The following KCNB2 variants were observed in gnomAD, a reference collection of about 807,000 sequenced individuals.
The protein encoded by KCNB2 is potassium voltage-gated channel subfamily B member 2, also known as delayed rectifier potassium channel protein.
In KCNB2, 15 loss-of-function variants were observed where a neutral mutation model predicts 61.5. The observed-to-expected ratio is 0.24, with a 90% CI of 0.16 to 0.38. KCNB2 has a LOEUF of 0.38. Among genes scored for constraint, KCNB2 ranks in the 10% least tolerant of loss-of-function variants. The probability of loss-of-function intolerance (pLI) is 1.00; values close to 1 mark genes in which losing one functional copy is unlikely to be tolerated. For synonymous variants in KCNB2, 457 were observed against 446.0 expected (o/e 1.02, Z -0.31); for missense variants, 828 against 1,125.2 (o/e 0.74, Z 3.78).
chr8:72,826,707 T>A (rs1563396653), intron 2 of KCNB2, among the ~76,000 whole-genome samples: 1 of 152,226 alleles, frequency 6.6e-6, no homozygotes, highest in Non-Finnish European at 1.5e-5. Context: ...CCTTAGAGTC[T>A]TCCCTATTGG....
At chr8:72,843,882 CTT>C (rs1229618083) in intron 2 of KCNB2, among the ~76,000 whole-genome samples, 2 of 152,132 alleles carry the variant, frequency 1.3e-5, no homozygotes, top group Non-Finnish European at 2.9e-5. Context: ...GGTCTTGACT[CTT>C]TATCCAATTT....
At position 72,935,947 on chromosome 8, in the gene KCNB2, G is replaced by A. The variant is rs971570323; in HGVS notation, c.592G>A (p.Val198Met). Residue 198 changes from valine (V) to methionine (M), a missense_variant, in exon 3 of 3, where the codon GTG becomes ATG. Coordinates refer to ENST00000523207, the MANE Select transcript of KCNB2 (RefSeq NM_004770.3). Reference sequence around the variant, plus strand: ...TTCTCTTTTCCAGATCCTGGCCATCGTGTCTATCCTGTTCATTGTGCTTTC... The same window carrying A: ...TTCTCTTTTCCAGATCCTGGCCATCATGTCTATCCTGTTCATTGTGCTTTC... ...SSVAAKILAI[V>M]SILFIVLSTI... The A allele has an allele frequency of 8.7e-6, 14 of 1,612,698 alleles. No individual in the cohort carries two copies. The highest frequency in any genetic ancestry group is 4.4e-5 in the South Asian group (4 of 90,940).
chr8:72,815,898 T>TCTAC (rs1809389084), intron 2 of KCNB2, among the ~76,000 whole-genome samples: 1 of 152,004 alleles, frequency 6.6e-6, no homozygotes, highest in African/African-American at 2.4e-5. Context: ...TACATGAGGG[T>TCTAC]ATGAAGAAAT....
At chr8:72,771,116 GGTTGCAATTACTACACCAGAT>G (rs1264563892) in intron 2 of KCNB2, among the ~76,000 whole-genome samples, 1 of 152,164 alleles carries the variant, frequency 6.6e-6, no homozygotes, top group Non-Finnish European at 1.5e-5. Flanking sequence ...AATCATCTGA[GGTTGCAATTACTACACCAGAT>G]ATGGATGTAA....
chr8:72,669,214 A>G (rs1251528677), intron 2 of KCNB2, among the ~76,000 whole-genome samples: 4 of 152,158 alleles, frequency 2.6e-5, no homozygotes, highest in Admixed American at 2.0e-4. Flanking sequence ...GCATAGCTCA[A>G]GATCCATTAT....
chr8:72,766,324 AG>A (rs1808460263), intron 2 of KCNB2, among the ~76,000 whole-genome samples: 1 of 152,244 alleles, frequency 6.6e-6, no homozygotes, highest in Non-Finnish European at 1.5e-5. Context: ...CTGCTCTGAA[AG>A]GATAGCCTAT....
chr8:72,910,068 C>G (rs552740525), intron 2 of KCNB2, among the ~76,000 whole-genome samples: 1 of 152,158 alleles, frequency 6.6e-6, no homozygotes, highest in Non-Finnish European at 1.5e-5. Flanking sequence ...ACAACGTGGA[C>G]TTTCACGTCA....
intron 2 of KCNB2, among the ~76,000 whole-genome samples, chr8:72,800,375 G>C (rs1326345577): frequency 1.3e-5 from 2 of 152,212 alleles, no homozygotes; most frequent in Non-Finnish European, 2.9e-5. Context: ...AATGTTTACA[G>C]CGTTCAACAC....
At chr8:72,910,821 G>T (rs1022327186) in intron 2 of KCNB2, among the ~76,000 whole-genome samples, 1 of 152,200 alleles carries the variant, frequency 6.6e-6, no homozygotes, top group Non-Finnish European at 1.5e-5. Context: ...TGAGAACAAA[G>T]TTAAAAGAGT....
chr8:72,561,745 A>ATATATACG (rs1806528257), intron 1 of KCNB2, among the ~76,000 whole-genome samples: 1 of 30,794 alleles, frequency 3.2e-5, no homozygotes, highest in African/African-American at 1.5e-4. Flanking sequence ...CTATATATAT[A>ATATATACG]TGTATATATA....
intron 2 of KCNB2, among the ~76,000 whole-genome samples, chr8:72,677,411 G>A (rs1344250507): frequency 6.6e-6 from 1 of 152,164 alleles, no homozygotes; most frequent in African/African-American, 2.4e-5. Flanking sequence ...CCCTCTGCAT[G>A]GGAATTCCCA....
chr8:72,937,006 C>G lies in KCNB2; in HGVS notation c.1651C>G (p.Gln551Glu), dbSNP rs754416306. 3.1e-6 allele frequency: 5 copies of G among 1,614,166 alleles called. No homozygotes were observed. In the East Asian group the frequency reaches 8.9e-5, roughly 29 times the overall value. The change falls in exon 3 of 3, where the codon CAG becomes GAG. Residue 551 changes from glutamine (Q) to glutamate (E), a missense_variant. Around this residue, in one of 4 missense-constraint regions of KCNB2, gnomAD observed 559 missense variants for 588.4 expected, o/e 0.95. Coordinates refer to ENST00000523207, the MANE Select transcript of KCNB2 (RefSeq NM_004770.3). ...GCTATACAATGAAATCACCAAGACA[C>G]AGCCTCATTCTCACCCAAACCCAGA... is the stretch of plus-strand genomic sequence containing the variant. ...EMLYNEITKT[Q>E]PHSHPNPDCQ...
chr8:72,683,355 GC>G (rs1806795541), intron 2 of KCNB2, among the ~76,000 whole-genome samples: 1 of 152,110 alleles, frequency 6.6e-6, no homozygotes, highest in Non-Finnish European at 1.5e-5. Context: ...TAGGCACTGT[GC>G]CAGGCCAGTA....
At position 72,579,629 on chromosome 8, in the gene KCNB2, G is replaced by A. The variant is rs547294217; in HGVS notation, c.579+11316G>A. Among the ~76,000 whole-genome samples the A allele has an allele frequency of 2.0e-5, 3 of 152,234 alleles. No homozygotes were observed. The South Asian group carries it at 6.2e-4, about 31-fold the overall frequency. ...AGCTGGTTTTACTTTCCGCTTTCTCGTAATAGCGTCACTATCCCCAGAGCC... is the reference window on the plus strand; with the variant it reads ...AGCTGGTTTTACTTTCCGCTTTCTCATAATAGCGTCACTATCCCCAGAGCC... On this transcript the variant is annotated intron_variant, in intron 2 of 2. Coordinates refer to ENST00000523207, the MANE Select transcript of KCNB2 (RefSeq NM_004770.3).
chr8:72,687,863 A>G (rs1164463449), intron 2 of KCNB2, among the ~76,000 whole-genome samples: 1 of 152,164 alleles, frequency 6.6e-6, no homozygotes, highest in African/African-American at 2.4e-5. Flanking sequence ...GGCCTGCCCT[A>G]AGGAGCTATA....
At chr8:72,772,949 A>C (rs1251291190) in intron 2 of KCNB2, among the ~76,000 whole-genome samples, 2 of 152,184 alleles carry the variant, frequency 1.3e-5, no homozygotes, top group Admixed American at 1.3e-4. Flanking sequence ...AGGCACAAAA[A>C]TATCCCTCTT....
At chr8:72,637,154 G>T (rs1805979123) in intron 2 of KCNB2, among the ~76,000 whole-genome samples, 1 of 152,132 alleles carries the variant, frequency 6.6e-6, no homozygotes. Context: ...TTACGCCTCT[G>T]ACTCAGTTTC....
chr8:72,898,391 A>G (rs1320088515), intron 2 of KCNB2, among the ~76,000 whole-genome samples: 2 of 152,050 alleles, frequency 1.3e-5, no homozygotes, highest in Non-Finnish European at 1.5e-5. Context: ...ATGTATACGT[A>G]TGTAACTAAC....
chr8:72,898,815 G>T (rs965160947), intron 2 of KCNB2, among the ~76,000 whole-genome samples: 1 of 152,120 alleles, frequency 6.6e-6, no homozygotes, highest in Non-Finnish European at 1.5e-5. Context: ...GTACTCCACA[G>T]TGTCTGTTGT....
Sources: gnomAD v4.1 joint callset for allele counts (sites outside exome capture counted in the v4.1 genomes callset) on GRCh38, gnomAD v4.1.1 for gene constraint, gnomAD v4.1.1 regional missense constraint, MANE v1.5 for transcripts, NCBI Gene and HGNC (gene_info 2026-07-23, HGNC 2026-07-21) for gene names.